Variants in CC2D2B observed in about 807,000 individuals in gnomAD.
CC2D2B encodes protein CC2D2B.
In CC2D2B, 128 loss-of-function variants were observed where a neutral mutation model predicts 161.2. The observed-to-expected ratio is 0.79, with a 90% confidence interval of 0.69 to 0.92. CC2D2B has a LOEUF of 0.92. Among genes scored for constraint, CC2D2B ranks in the 40% least tolerant of loss-of-function variants. The probability of loss-of-function intolerance (pLI) is 0.00; values close to 1 mark genes in which losing one functional copy is unlikely to be tolerated. For missense variants in CC2D2B, 1,173 were observed against 1,375.1 expected (o/e 0.85, Z 2.32); for synonymous variants, 391 against 449.8 (o/e 0.87, Z 1.65).
intron 9 of CC2D2B, 33 bp downstream of exon 9, chr10:95,938,958 T>G (rs2075924381): frequency 1.5e-6 from 1 of 661,110 alleles, no homozygotes; most frequent in Non-Finnish European, 2.7e-6. Flanking sequence ...TAATTATGGT[T>G]AAAATTCTTG....
chr10:95,965,822 T>TGTGTGTGTGTG, intron 12 of CC2D2B, 74 bp from the exon 13 acceptor site: 1 of 418,450 alleles, frequency 2.4e-6, no homozygotes, highest in Non-Finnish European at 3.9e-6. Context: ...TGTGTGTGTG[T>TGTGTGTGTGTG]TGGCAAAATC....
At chr10:95,986,472 GAAAT>G (rs1564642071) in intron 19 of CC2D2B, among the ~76,000 whole-genome samples, 1 of 151,368 alleles carries the variant, frequency 6.6e-6, no homozygotes, top group East Asian at 2.0e-4. Flanking sequence ...CATCAGAAAA[GAAAT>G]AAATACCATG....
intron 2 of CC2D2B, among the ~76,000 whole-genome samples, chr10:95,918,090 A>G (rs1158395406): frequency 1.3e-5 from 2 of 152,088 alleles, no homozygotes; most frequent in Admixed American, 1.3e-4. Flanking sequence ...AAGTTGTTGT[A>G]GTTATTATTT....
chr10:95,934,106 T>G (rs920741952), intron 6 of CC2D2B, among the ~76,000 whole-genome samples: 1 of 152,196 alleles, frequency 6.6e-6, no homozygotes, highest in African/African-American at 2.4e-5. Context: ...AGAGGCAGTT[T>G]GGCTACAGCA....
chr10:95,921,417 G>A (rs76712236), intron 2 of CC2D2B: 20,942 of 152,164 alleles, frequency 0.14, 1,537 homozygotes, highest in Middle Eastern at 0.21. Flanking sequence ...ATTCAAGATC[G>A]TCTTTCCTAC....
At chr10:95,920,642 A>G (rs4504994) in intron 2 of CC2D2B, 93,884 of 150,998 alleles carry the variant, frequency 0.62, 29,715 homozygotes, top group Admixed American at 0.7. Flanking sequence ...AGGTGGAAAT[A>G]TACTGGGTCA....
Position 95,924,824 on chromosome 10 carries a change from G to A in CC2D2B, c.220G>A (p.Glu74Lys), listed in dbSNP as rs576533022. 116 of 1,545,978 alleles carry A rather than the reference G, an allele frequency of 7.5e-5. No individual in the cohort carries two copies. Among genetic ancestry groups the A allele is most frequent in the East Asian group, 6.9e-4 (28 of 40,748 alleles). Residue 74 changes from glutamate to lysine, a missense_variant, in exon 5 of 35, where the codon GAA becomes AAA. By Grantham distance (56) the Glu-to-Lys change is moderately conservative. This residue lies in a region of CC2D2B where 298 missense variants were observed against 261.2 expected (regional missense o/e 1.14). Transcript: ENST00000646931. ...TTCAACTGAGCAGCTCATTGATAGC[G>A]AAATACATCAAAGGTCCAAGGTGAA... is the stretch of plus-strand genomic sequence containing the variant. ...KSSTEQLIDS[E>K]IHQRSKLSPQ...
chr10:95,938,064 A>G lies in CC2D2B; in HGVS notation c.410A>G (p.Glu137Gly). Reference protein sequence around the residue: ...VNLQNVAESEEEEFMKEFILT... With the variant: ...VNLQNVAESEGEEFMKEFILT... The stretch of plus-strand genomic sequence containing the variant: ...TTACAAAATGTTGCTGAGAGTGAAG[A>G]GGAAGAGTTTATGAAAGAATTCATT... The change falls in exon 7 of 35, where the codon GAG becomes GGG. Residue 137 changes from glutamate to glycine, a missense_variant. Glu to Gly is a moderately conservative substitution (Grantham distance 98). Around this residue, in one of 3 missense-constraint regions of CC2D2B, gnomAD observed 298 missense variants for 261.2 expected, o/e 1.14. Coordinates refer to ENST00000646931, the MANE Select transcript of CC2D2B (RefSeq NM_001349008.3). 1 of 1,550,680 alleles carries G rather than the reference A, an allele frequency of 6.4e-7. No individual in the cohort carries two copies. Among genetic ancestry groups the G allele is most frequent in the Non-Finnish European group, 8.7e-7 (1 of 1,146,130 alleles).
chr10:95,944,528 A>G (rs946685424), intron 9 of CC2D2B, among the ~76,000 whole-genome samples: 2 of 152,242 alleles, frequency 1.3e-5, no homozygotes, highest in African/African-American at 4.8e-5. Flanking sequence ...CTCCAGATAT[A>G]GCAGAGATAT....
chr10:95,990,161 ATATT>A (rs1798795585), intron 20 of CC2D2B, among the ~76,000 whole-genome samples: 1 of 152,178 alleles, frequency 6.6e-6, no homozygotes, highest in African/African-American at 2.4e-5. Flanking sequence ...CCTTGAGTAT[ATATT>A]CTATAAGTCA....
chr10:95,981,019 C>T (rs2077498061), intron 17 of CC2D2B, among the ~76,000 whole-genome samples: 1 of 152,090 alleles, frequency 6.6e-6, no homozygotes, highest in Non-Finnish European at 1.5e-5. Context: ...GGGTTGAATT[C>T]CTTTTGCACT....
At chr10:95,978,684 A>G (rs999402890) in intron 17 of CC2D2B, among the ~76,000 whole-genome samples, 4 of 152,202 alleles carry the variant, frequency 2.6e-5, no homozygotes, top group Admixed American at 6.5e-5. Flanking sequence ...GCCTCAGCCT[A>G]TTAGCCACAT....
At chr10:95,954,753 G>A (rs955443362) in intron 10 of CC2D2B, among the ~76,000 whole-genome samples, 2 of 151,992 alleles carry the variant, frequency 1.3e-5, no homozygotes, top group Non-Finnish European at 2.9e-5. Flanking sequence ...CCTATGTTTA[G>A]GTCTTCTTGT....
intron 17 of CC2D2B, among the ~76,000 whole-genome samples, chr10:95,981,110 A>G (rs2077501290): frequency 6.6e-6 from 1 of 151,982 alleles, no homozygotes. Flanking sequence ...AGATTATCTC[A>G]TGGCAGGGCA....
At chr10:95,957,638 G>A (rs2076614038) in intron 11 of CC2D2B, among the ~76,000 whole-genome samples, 1 of 138,178 alleles carries the variant, frequency 7.2e-6, no homozygotes, top group Admixed American at 8.1e-5. Flanking sequence ...TCGGCTCACT[G>A]CGACCTTCAC....
intron 9 of CC2D2B, among the ~76,000 whole-genome samples, chr10:95,947,458 A>C (rs987523594): frequency 6.6e-6 from 1 of 150,900 alleles, no homozygotes; most frequent in Admixed American, 6.6e-5. Context: ...CTTAAAAAAA[A>C]GGTGGTCAGG....
chr10:95,973,027 C>G (rs1026721878), intron 16 of CC2D2B, among the ~76,000 whole-genome samples: 1 of 152,090 alleles, frequency 6.6e-6, no homozygotes, highest in African/African-American at 2.4e-5. Context: ...TCTCTGAGAT[C>G]ACTGTCATTC....
At chr10:95,930,601 T>C (rs549867045) in intron 6 of CC2D2B, among the ~76,000 whole-genome samples, 32 of 152,258 alleles carry the variant, frequency 2.1e-4, no homozygotes, top group African/African-American at 7.7e-4. Flanking sequence ...CATGAAAGGG[T>C]GTTGAATTTT....
intron 10 of CC2D2B, among the ~76,000 whole-genome samples, chr10:95,950,915 G>T (rs1156419663): frequency 6.6e-6 from 1 of 152,004 alleles, no homozygotes; most frequent in African/African-American, 2.4e-5. Flanking sequence ...TACCTCCCGA[G>T]TTCAAGCGAT....
Sources: gnomAD v4.1 joint callset for allele counts (sites outside exome capture counted in the v4.1 genomes callset) on GRCh38, gnomAD v4.1.1 for gene constraint, gnomAD v4.1.1 regional missense constraint, MANE v1.5 for transcripts, NCBI Gene and HGNC (gene_info 2026-07-23, HGNC 2026-07-21) for gene names.